Variants in CFAP46 observed in about 807,000 individuals in gnomAD.
CFAP46 encodes cilia and flagella associated protein 46, also known as cilia- and flagella-associated protein 46.
In CFAP46, 245 loss-of-function variants were observed where a neutral mutation model predicts 325.7. The ratio of observed to expected loss-of-function variants is 0.75; its 90% CI spans 0.68 to 0.84. The LOEUF is 0.84. Ranked by LOEUF, CFAP46 falls within the 40% of genes least tolerant of loss-of-function variation. CFAP46 has a pLI of 0.00. For synonymous variants in CFAP46, 1,523 were observed against 1,495.9 expected, an observed-to-expected ratio of 1.02 and a Z score of -0.42; for missense variants, 3,346 against 3,543.0, an observed-to-expected ratio of 0.94 and a Z score of 1.41.
chr10:132,866,660 G>A (rs975676251), intron 34 of CFAP46, among the ~76,000 whole-genome samples: 2 of 152,158 alleles, frequency 1.3e-5, no homozygotes, highest in African/African-American at 4.8e-5. Context: ...GCTAAGCAGA[G>A]CCCCCGGCCT....
At chr10:132,837,948 C>CGCACGTGTACACAGACACAGACAT (rs1408609326) in intron 44 of CFAP46, among the ~76,000 whole-genome samples, 20 of 152,170 alleles carry the variant, frequency 1.3e-4, no homozygotes, top group Admixed American at 1.1e-3. Flanking sequence ...GACACAGACA[C>CGCACGTGTACACAGACACAGACAT]GCACGTGTAC....
chr10:132,861,703 G>A (rs998999106), intron 35 of CFAP46, among the ~76,000 whole-genome samples: 3 of 152,202 alleles, frequency 2.0e-5, no homozygotes, highest in Non-Finnish European at 2.9e-5. Flanking sequence ...CGGGAAAGCC[G>A]GTCCCAGCTG....
intron 35 of CFAP46, among the ~76,000 whole-genome samples, chr10:132,865,570 G>C (rs536136681): frequency 6.6e-6 from 1 of 152,314 alleles, no homozygotes; most frequent in East Asian, 1.9e-4. Context: ...CCCATCCAGG[G>C]AGTGAGAGCA....
chr10:132,885,639 G>C (rs1299567039), intron 26 of CFAP46, among the ~76,000 whole-genome samples, 182 bp downstream of exon 26: 2 of 147,142 alleles, frequency 1.4e-5, no homozygotes, highest in South Asian at 2.3e-4. Context: ...GTGATGGGGG[G>C]AGCACACTCC....
In CFAP46 at chr10:132,846,085, A is replaced by T; in HGVS notation, c.6410T>A (p.Val2137Glu). 2 of 1,598,206 alleles carry T rather than the reference A, an allele frequency of 1.3e-6. No homozygotes were observed. Among genetic ancestry groups the T allele is most frequent in the South Asian group, 2.2e-5 (2 of 89,600 alleles). Residue 2137 changes from valine to glutamate, a missense_variant, in exon 44 of 58, where the codon GTG becomes GAG. Val to Glu is a moderately radical substitution (Grantham distance 121, BLOSUM62 -2). Coordinates refer to ENST00000368586, the MANE Select transcript of CFAP46 (RefSeq NM_001200049.3). ...GGACACGGCGGCCAGCCTCTGCTCC[A>T]CACGGGCGCCCAGGCTGGTGGTGGT... ...DRTTTSLGARVEQRLAAVSKA... is the reference protein window; with the variant it reads ...DRTTTSLGAREEQRLAAVSKA...
In CFAP46 at chr10:132,919,618, G is replaced by T. The variant is rs546187608; in HGVS notation, c.1731-176C>A. ...CCTGGCGGGTGCATGTCCCAGGGTC[G>T]GGCGCAGCTCTCCGCTCTCCCTGCC... On this transcript the variant is annotated intron_variant, in intron 14 of 57. Transcript: ENST00000368586. The surrounding 1 kb of genome is among the most constrained non-coding windows in gnomAD (Gnocchi z 9.7). Among the ~76,000 whole-genome samples the T allele has an allele frequency of 6.6e-6, 1 of 152,056 alleles. No homozygotes were observed. Among genetic ancestry groups the T allele is most frequent in the South Asian group, 2.1e-4 (1 of 4,820 alleles).
At chr10:132,810,568 G>A (rs1290724015) in intron 56 of CFAP46, 79 bp from the exon 57 acceptor site, 2 of 1,275,666 alleles carry the variant, frequency 1.6e-6, no homozygotes. Context: ...GGCCCGGGAT[G>A]CCAGGGGCCC....
Position 132,885,109 on chromosome 10 carries a change from G to A in CFAP46, c.3621C>T (p.Ala1207=), listed in dbSNP as rs1469866295. Residue 1207 remains alanine (A), a synonymous_variant, in exon 27 of 58, where the codon GCC becomes GCT. Coordinates refer to ENST00000368586, the MANE Select transcript of CFAP46 (RefSeq NM_001200049.3). ...CACGCTTACGGCTTCACACCTGCAA[G>A]GCCTGGATGGCGTTGTTGTAGCAGG... ...ELACYNNAIQ[A]LQKPEMEWQK... is the part of the protein sequence containing the mutation. The A allele has an allele frequency of 6.5e-7, 1 of 1,546,204 alleles. No individual in the cohort carries two copies. The highest frequency in any genetic ancestry group is 8.7e-7 in the Non-Finnish European group (1 of 1,144,672).
chr10:132,832,010 C>G lies in CFAP46; in HGVS notation c.7117+1348G>C, dbSNP rs1848154778. Reference sequence around the variant, plus strand: ...TACCACTTTCTCCAGAGGATGGAGACTTTAAATACTTTGCTTCCATTCCCT... The same window carrying G: ...TACCACTTTCTCCAGAGGATGGAGAGTTTAAATACTTTGCTTCCATTCCCT... On this transcript the variant is annotated intron_variant, in intron 50 of 57. Coordinates refer to ENST00000368586, the MANE Select transcript of CFAP46 (RefSeq NM_001200049.3). This position sits in a 1 kb window ranked among gnomAD's most constrained non-coding sequence, Gnocchi z 4.1. 6.6e-6 allele frequency among the ~76,000 whole-genome samples: 1 copy of G among 152,202 alleles called. No individual in the cohort carries two copies. The highest frequency in any genetic ancestry group is 1.5e-5 in the Non-Finnish European group (1 of 68,038).
chr10:132,859,189 ACT>A lies in CFAP46; in HGVS notation c.5255_5256del (p.Glu1752ValfsTer10). On this transcript the variant is annotated frameshift_variant, in exon 38 of 58. Coordinates refer to ENST00000368586, the MANE Select transcript of CFAP46 (RefSeq NM_001200049.3). LOFTEE classifies it high-confidence loss of function. The stretch of plus-strand genomic sequence containing the variant: ...TCCATCTCTTTCAGTAGCAACGAGC[ACT>A]CTGTGGGTTCAGTGACCGCTGAGTG... Reference protein sequence around the residue: ...AQHSAVTEPTECSLLLKEMDD... With the variant: ...AQHSAVTEPTXCSLLLKEMDD... The A allele has an allele frequency of 6.4e-7, 1 of 1,550,462 alleles. No homozygotes were observed.
chr10:132,837,811 G>A (rs1231929815), intron 44 of CFAP46, among the ~76,000 whole-genome samples: 4 of 125,116 alleles, frequency 3.2e-5, no homozygotes, highest in Non-Finnish European at 6.6e-5. Context: ...ACATGCACAC[G>A]TACACAGATG....
chr10:132,941,759 G>C, intron 2 of CFAP46, 37 bp from the exon 3 acceptor site: 2 of 1,611,722 alleles, frequency 1.2e-6, no homozygotes, highest in Non-Finnish European at 1.7e-6. Flanking sequence ...TCACAGACCC[G>C]GAGGGGTGGC....
At chr10:132,927,728 C>T (rs1849833995) in intron 9 of CFAP46, among the ~76,000 whole-genome samples, 1 of 152,266 alleles carries the variant, frequency 6.6e-6, no homozygotes, top group Non-Finnish European at 1.5e-5. Flanking sequence ...CCACCATTCA[C>T]TCAGGCAATT....
chr10:132,885,935 C>T lies in CFAP46; in HGVS notation c.3329G>A (p.Arg1110His), dbSNP rs764444636. ...GAAGAGCAGGCCGTAGAGCGCAGCA[C>T]GGAGCGCCAGGTCGTCCTCAGCCCC... The part of the protein sequence containing the change: ...LPGAEDDLAL[R>H]AALYGLLFHS... Residue 1110 changes from arginine (R) to histidine (H), a missense_variant, in exon 26 of 58, where the codon CGT becomes CAT. By Grantham distance (29) the Arg-to-His change is conservative. Coordinates refer to ENST00000368586, the MANE Select transcript of CFAP46 (RefSeq NM_001200049.3). The T allele has an allele frequency of 3.9e-5, 60 of 1,550,082 alleles. No individual in the cohort carries two copies. The highest frequency in any genetic ancestry group is 5.5e-5 in the African/African-American group (4 of 73,038).
intron 29 of CFAP46, 53 bp downstream of exon 29, chr10:132,879,373 C>A: frequency 4.9e-6 from 7 of 1,430,476 alleles, no homozygotes; most frequent in Middle Eastern, 2.3e-4. Flanking sequence ...CCCCAGCCCG[C>A]GGCCCGTCCC....
intron 27 of CFAP46, 36 bp from the exon 28 acceptor site, chr10:132,881,068 A>ATG (rs1849035779): frequency 6.5e-7 from 1 of 1,543,620 alleles, no homozygotes; most frequent in African/African-American, 1.4e-5. Context: ...CATCCTCAGG[A>ATG]TGGCCCTGAA....
chr10:132,935,832 C>T lies in CFAP46; in HGVS notation c.756-970G>A, dbSNP rs553292079. On this transcript the variant is annotated intron_variant, in intron 7 of 57. Coordinates refer to ENST00000368586, the MANE Select transcript of CFAP46 (RefSeq NM_001200049.3). ...ACTGTGATCTCCTCACTCCCCTCGG[C>T]ACCCAAACACACTGTGATCTCCTCA... 8.7e-3 allele frequency among the ~76,000 whole-genome samples: 994 copies of T among 114,522 alleles called. 35 individuals carry two copies. The highest frequency in any genetic ancestry group is 0.034 in the African/African-American group (901 of 26,668). 75.1% of individuals were successfully genotyped at this position (114,522 alleles called of 152,430 possible).
At chr10:132,891,672 G>A (rs1249405482) in intron 25 of CFAP46, among the ~76,000 whole-genome samples, 2 of 152,316 alleles carry the variant, frequency 1.3e-5, no homozygotes, top group African/African-American at 4.8e-5. Flanking sequence ...AGAGTCTGGT[G>A]CCTTTTTGTC....
chr10:132,907,026 G>C (rs1849466647), intron 22 of CFAP46, among the ~76,000 whole-genome samples: 1 of 152,258 alleles, frequency 6.6e-6, no homozygotes, highest in Non-Finnish European at 1.5e-5. Flanking sequence ...AAGGCATCTT[G>C]GCACGTTCCT....
Sources: gnomAD v4.1 joint callset for allele counts (sites outside exome capture counted in the v4.1 genomes callset) on GRCh38, gnomAD v4.1.1 for gene constraint, Gnocchi (gnomAD v3.1) non-coding constraint, MANE v1.5 for transcripts, NCBI Gene and HGNC (gene_info 2026-07-23, HGNC 2026-07-21) for gene names.